The following COL10A1 variants were observed in gnomAD, a reference collection of about 807,000 sequenced individuals.
COL10A1 encodes collagen alpha-1(X) chain.
Under a neutral mutation model 18.2 loss-of-function variants are expected in COL10A1, and 10 were observed. That is an observed-to-expected ratio of 0.55 (90% confidence interval 0.34 to 0.93). The LOEUF (loss-of-function observed/expected upper bound fraction) is 0.93, where lower values mean the gene tolerates loss of function less well. Among genes scored for constraint, COL10A1 ranks in the 40% least tolerant of loss-of-function variants. The pLI is 0.02. For synonymous variants in COL10A1, 330 were observed against 316.6 expected (o/e 1.04, Z -0.45); for missense variants, 897 against 853.5 (o/e 1.05, Z -0.64).
At chr6:116,153,160 A>G (rs1780092066) in intron 1 of COL10A1, among the ~76,000 whole-genome samples, 1 of 152,002 alleles carries the variant, frequency 6.6e-6, no homozygotes, top group Non-Finnish European at 1.5e-5. Context: ...CATACTACAA[A>G]TATACAACAT....
At chr6:116,182,575 A>G in the COL10A1 span, among the ~76,000 whole-genome samples, 1 of 151,748 alleles carries the variant, frequency 6.6e-6, no homozygotes, top group Non-Finnish European at 1.5e-5. Context: ...GATTATGGCC[A>G]TTGTCGCAGG....
the COL10A1 span, among the ~76,000 whole-genome samples, chr6:116,168,935 T>C: frequency 6.6e-6 from 1 of 152,218 alleles, no homozygotes; most frequent in East Asian, 1.9e-4. Context: ...ATCTGGTTCG[T>C]ACTTCTTTCT....
chr6:116,169,751 T>C, the COL10A1 span, among the ~76,000 whole-genome samples: 1 of 152,202 alleles, frequency 6.6e-6, no homozygotes, highest in African/African-American at 2.4e-5. Flanking sequence ...AGGAGATGTG[T>C]GGACAATTGG....
In COL10A1 at chr6:116,121,042, T is replaced by G. The variant is rs147229154; in HGVS notation, c.1074A>C (p.Pro358=). ...CTGGCCCTGTCTCACCTTTAGGGCCTGGGAGACCATGGCTACCCGGGATGC... is the reference window on the plus strand; with the variant it reads ...CTGGCCCTGTCTCACCTTTAGGGCCGGGGAGACCATGGCTACCCGGGATGC... ...PKGIPGSHGL[P]GPKGETGPAG... Residue 358 remains proline, a synonymous_variant, in exon 3 of 3, where the codon CCA becomes CCC. Coordinates refer to ENST00000651968, the MANE Select transcript of COL10A1 (RefSeq NM_000493.4). 5 of 1,614,086 alleles carry G rather than the reference T, an allele frequency of 3.1e-6. No individual in the cohort carries two copies. Among genetic ancestry groups the G allele is most frequent in the Non-Finnish European group, 4.2e-6 (5 of 1,179,950 alleles).
At position 116,132,805 on chromosome 6, in the gene COL10A1, C is replaced by G. The variant is rs553234021; in HGVS notation, c.-15-7298G>C. 1.8e-4 allele frequency among the ~76,000 whole-genome samples: 27 copies of G among 152,126 alleles called. No individual in the cohort carries two copies. The South Asian group carries it at 5.4e-3, about 30-fold the overall frequency. ...TTTAGGGTAGAAATGGGAAAAGTGC[C>G]GAGAAGTTTAGTCAGGGCACCTTCC... On this transcript the variant is annotated intron_variant, in intron 1 of 1. Transcript: ENST00000418500.
At chr6:116,162,455 T>C (rs537051352), upstream of COL10A1, among the ~76,000 whole-genome samples, 21 of 152,348 alleles carry the variant, frequency 1.4e-4, no homozygotes, top group Non-Finnish European at 2.6e-4. Flanking sequence ...GTTCCTTTAA[T>C]GCCTAGTTTA....
rs1161571454 is a variant in COL10A1 at position 116,120,375 on chromosome 6, G to C, written c.1741C>G (p.His581Asp). The C allele has an allele frequency of 1.9e-6, 3 of 1,614,206 alleles. No homozygotes were observed. In the African/African-American group the frequency reaches 4.0e-5, roughly 22 times the overall value. The change falls in exon 3 of 3, where the codon CAT becomes GAT. Residue 581 changes from histidine (H) to aspartate (D), a missense_variant. Transcript: ENST00000651968. ...FDKILYNRQQ[H>D]YDPRTGIFTC... ...AAGATTCCAGTCCTTGGGTCATAATGCTGTTGCCTGTTATACAAAATTTTA... is the reference window on the plus strand; with the variant it reads ...AAGATTCCAGTCCTTGGGTCATAATCCTGTTGCCTGTTATACAAAATTTTA...
the COL10A1 span, among the ~76,000 whole-genome samples, chr6:116,207,463 C>T: frequency 6.6e-6 from 1 of 151,682 alleles, no homozygotes; most frequent in Non-Finnish European, 1.5e-5. Flanking sequence ...CCTTATTTTT[C>T]AGATTTTTTT....
Position 116,122,221 on chromosome 6 carries a change from T to C in COL10A1, c.155-260A>G, listed in dbSNP as rs191270960. Among the ~76,000 whole-genome samples the C allele has an allele frequency of 5.4e-3, 818 of 152,320 alleles. 6 individuals are homozygous for C. The highest frequency in any genetic ancestry group is 8.7e-3 in the Non-Finnish European group (590 of 68,022). On this transcript the variant is annotated intron_variant, in intron 2 of 2. Coordinates refer to ENST00000651968, the MANE Select transcript of COL10A1 (RefSeq NM_000493.4). ...AGTGATTCATGAAAATGAGCTAGGA[T>C]TGAAGAATTCCTCTAGAATAAGTGC...
intron 2 of COL10A1, among the ~76,000 whole-genome samples, chr6:116,124,732 C>T (rs1779239834): frequency 6.6e-6 from 1 of 152,162 alleles, no homozygotes; most frequent in African/African-American, 2.4e-5. Flanking sequence ...ACAGCTTATG[C>T]ATTACAGTTA....
the COL10A1 span, among the ~76,000 whole-genome samples, chr6:116,178,859 A>G: frequency 3.3e-5 from 5 of 152,212 alleles, no homozygotes; most frequent in Non-Finnish European, 7.3e-5. Flanking sequence ...TGTTTGCCTT[A>G]TAAAAATCTT....
chr6:116,156,774 A>G (rs1780205204), intron 1 of COL10A1, among the ~76,000 whole-genome samples: 1 of 152,192 alleles, frequency 6.6e-6, no homozygotes, highest in African/African-American at 2.4e-5. Flanking sequence ...TATCCAAGAT[A>G]TCTATGGATA....
the COL10A1 span, among the ~76,000 whole-genome samples, chr6:116,200,754 TGGA>T: frequency 6.6e-6 from 1 of 151,998 alleles, no homozygotes. Context: ...CCCACTAGCT[TGGA>T]GCAGTTTCAG....
chr6:116,214,081 T>G, the COL10A1 span, among the ~76,000 whole-genome samples: 5,885 of 152,180 alleles, frequency 0.039, 153 homozygotes, highest in South Asian at 0.073. Context: ...GAATTAAAAT[T>G]TTTAAGTAAA....
At chr6:116,180,888 A>G in the COL10A1 span, among the ~76,000 whole-genome samples, 1 of 152,052 alleles carries the variant, frequency 6.6e-6, no homozygotes, top group Non-Finnish European at 1.5e-5. Flanking sequence ...AACCAAACCA[A>G]TTTTTAAAAA....
At chr6:116,152,606 T>C (rs1176080526) in intron 1 of COL10A1, among the ~76,000 whole-genome samples, 1 of 152,172 alleles carries the variant, frequency 6.6e-6, no homozygotes, top group Non-Finnish European at 1.5e-5. Flanking sequence ...TTACCAGGTC[T>C]TTATTTAACC....
the COL10A1 span, among the ~76,000 whole-genome samples, chr6:116,204,891 G>C: frequency 4.6e-5 from 7 of 151,996 alleles, no homozygotes; most frequent in Non-Finnish European, 1.5e-5. Flanking sequence ...TACGTGGCTA[G>C]ATTTTGAAGT....
At chr6:116,186,038 A>G in the COL10A1 span, among the ~76,000 whole-genome samples, 1 of 152,020 alleles carries the variant, frequency 6.6e-6, no homozygotes, top group Non-Finnish European at 1.5e-5. Context: ...AGAGCTTCTT[A>G]TAGTGGTTCT....
intron 1 of COL10A1, among the ~76,000 whole-genome samples, chr6:116,153,851 A>G (rs1176796312): frequency 1.3e-5 from 2 of 152,104 alleles, no homozygotes; most frequent in Admixed American, 6.6e-5. Flanking sequence ...TTTATTGAAG[A>G]TACATGTACA....
Sources: gnomAD v4.1 joint callset for allele counts (sites outside exome capture counted in the v4.1 genomes callset) on GRCh38, gnomAD v4.1.1 for gene constraint, MANE v1.5 for transcripts, NCBI Gene and HGNC (gene_info 2026-07-23, HGNC 2026-07-21) for gene names.